Variants in SPRED1 observed in about 807,000 individuals in gnomAD.
SPRED1 encodes sprouty-related, EVH1 domain-containing protein 1.
In SPRED1, 18 loss-of-function variants were observed where a neutral mutation model predicts 52.3. The ratio of observed to expected loss-of-function variants is 0.34; its 90% CI spans 0.24 to 0.51. The LOEUF is 0.51. Among genes scored for constraint, SPRED1 ranks in the 20% least tolerant of loss-of-function variants. The pLI is 0.97. For synonymous variants in SPRED1, 155 were observed against 179.7 expected (o/e 0.86, Z 1.10); for missense variants, 485 against 551.0 (o/e 0.88, Z 1.20).
chr15:38,330,326 A>G (rs1483510512), intron 4 of SPRED1, among the ~76,000 whole-genome samples: 1 of 152,162 alleles, frequency 6.6e-6, no homozygotes, highest in Non-Finnish European at 1.5e-5. Context: ...TGCTTAAAGA[A>G]AATGCTATAT....
At chr15:38,254,389 TGAGCGGGTGTAGAAGGAGG>T (rs1357539364) in intron 1 of SPRED1, among the ~76,000 whole-genome samples, 1 of 152,188 alleles carries the variant, frequency 6.6e-6, no homozygotes, top group African/African-American at 2.4e-5. Flanking sequence ...ACGCTTCTGC[TGAGCGGGTGTAGAAGGAGG>T]TACATTGCTG....
chr15:38,295,021 AT>A (rs1895004388), intron 1 of SPRED1, among the ~76,000 whole-genome samples: 1 of 152,184 alleles, frequency 6.6e-6, no homozygotes, highest in Non-Finnish European at 1.5e-5. Flanking sequence ...TCGAGGTAAC[AT>A]TTCCTTGCAC....
At chr15:38,299,789 A>T (rs1895117261) in intron 2 of SPRED1, among the ~76,000 whole-genome samples, 2 of 152,062 alleles carry the variant, frequency 1.3e-5, no homozygotes, top group African/African-American at 4.8e-5. Flanking sequence ...AGGAGTTAAT[A>T]AATAGTCCCC....
intron 1 of SPRED1, among the ~76,000 whole-genome samples, chr15:38,288,566 G>A (rs946480260): frequency 6.6e-6 from 1 of 152,172 alleles, no homozygotes; most frequent in Non-Finnish European, 1.5e-5. Context: ...GCAACCGATA[G>A]AATATCTCAG....
At chr15:38,259,223 AT>A (rs1894159083) in intron 1 of SPRED1, among the ~76,000 whole-genome samples, 2 of 152,168 alleles carry the variant, frequency 1.3e-5, no homozygotes, top group Non-Finnish European at 2.9e-5. Flanking sequence ...ATGACACAAA[AT>A]TTTGTACTAC....
chr15:38,253,038 C>T lies in SPRED1; in HGVS notation c.-148C>T. 1.4e-6 allele frequency: 1 copy of T among 722,086 alleles called. No homozygotes were observed. The allele number at this position is 722,086 out of a possible 1,614,324, so 44.7% of individuals were successfully genotyped here. A position where few individuals can be genotyped will look rare whatever the true frequency, so the allele number is the denominator to read the frequency against. ...GGTTCCCGGCTGGGGGGGTACCGTT[C>T]TGGGTGAGGCATCCACCATGGTGAG... On this transcript the variant is annotated 5_prime_UTR_variant, in exon 1 of 7. Transcript: ENST00000299084.
At chr15:38,293,099 C>CTTTTTTTTTTTTTTTTTTTTTTTTTTT (rs66511254) in intron 1 of SPRED1, among the ~76,000 whole-genome samples, 1 of 90,724 alleles carries the variant, frequency 1.1e-5, no homozygotes, top group Admixed American at 1.7e-4. Context: ...AAGATTACAA[C>CTTTTTTTTTTTTTTTTTTTTTTTTTTT]TTTTTTTTTT....
At chr15:38,304,795 T>G (rs1895216971) in intron 2 of SPRED1, among the ~76,000 whole-genome samples, 1 of 152,222 alleles carries the variant, frequency 6.6e-6, no homozygotes, top group East Asian at 1.9e-4. Flanking sequence ...CCCCTCCTAC[T>G]GCTCTTCAAT....
chr15:38,311,957 A>AG (rs1438184712), intron 2 of SPRED1, among the ~76,000 whole-genome samples: 1 of 151,874 alleles, frequency 6.6e-6, no homozygotes, highest in East Asian at 1.9e-4. Flanking sequence ...TAGTCTCTGG[A>AG]GGTAGGAACT....
intron 4 of SPRED1, among the ~76,000 whole-genome samples, chr15:38,332,092 A>G (rs1414763130): frequency 6.6e-6 from 1 of 151,998 alleles, no homozygotes; most frequent in African/African-American, 2.4e-5. Flanking sequence ...GTGAAGAAAA[A>G]GAGCACTGTG....
chr15:38,256,326 A>G (rs1894096045), intron 1 of SPRED1, among the ~76,000 whole-genome samples: 1 of 152,138 alleles, frequency 6.6e-6, no homozygotes. Context: ...AATGTTTCCG[A>G]TAGATATAAC....
At chr15:38,301,276 C>T (rs917115171) in intron 2 of SPRED1, among the ~76,000 whole-genome samples, 1 of 152,076 alleles carries the variant, frequency 6.6e-6, no homozygotes, top group African/African-American at 2.4e-5. Context: ...TCAGAAAGAA[C>T]AGAAACTTTT....
chr15:38,350,673 G>C (rs188332756), intron 6 of SPRED1, among the ~76,000 whole-genome samples: 106 of 152,240 alleles, frequency 7.0e-4, no homozygotes, highest in Middle Eastern at 3.4e-3. Context: ...CAATAGTAGA[G>C]GTACAGATCC....
rs1888547843 is a variant in SPRED1, at chr15:38,353,815, A to G, written c.*2151A>G. The G allele has an allele frequency of 6.6e-6, 1 of 152,608 alleles. No homozygotes were observed. The allele number at this position is 152,608 out of a possible 1,614,324, so 9.5% of individuals were successfully genotyped here. A position where few individuals can be genotyped will look rare whatever the true frequency, so the allele number is the denominator to read the frequency against. On this transcript the variant is annotated 3_prime_UTR_variant, in exon 7 of 7. Coordinates refer to ENST00000299084, the MANE Select transcript of SPRED1 (RefSeq NM_152594.3). The stretch of plus-strand genomic sequence containing the variant: ...AATGCTGTGGAAATGAACTGTGTAT[A>G]TACTTCTGGGAGGAACAAATTTAAT...
chr15:38,253,135 C>T lies in SPRED1; in HGVS notation c.-51C>T, dbSNP rs369369431. The T allele has an allele frequency of 6.4e-7, 1 of 1,550,490 alleles. No individual in the cohort carries two copies. The highest frequency in any genetic ancestry group is 1.4e-5 in the African/African-American group (1 of 73,376). ...TGCCCCTCGGTGCTGCTGTTGCTCCCCCGCCTGCTGTTGCTCCTCCATCTC... is the reference window on the plus strand; with the variant it reads ...TGCCCCTCGGTGCTGCTGTTGCTCCTCCGCCTGCTGTTGCTCCTCCATCTC... On this transcript the variant is annotated 5_prime_UTR_variant, in exon 1 of 7. Coordinates refer to ENST00000299084, the MANE Select transcript of SPRED1 (RefSeq NM_152594.3).
chr15:38,280,528 G>GTT (rs11402678), intron 1 of SPRED1, among the ~76,000 whole-genome samples: 7 of 151,942 alleles, frequency 4.6e-5, no homozygotes, highest in African/African-American at 1.2e-4. Context: ...AAAATCCATT[G>GTT]TTTTTTGTGG....
chr15:38,306,960 A>G (rs1444318992), intron 2 of SPRED1, among the ~76,000 whole-genome samples: 1 of 152,086 alleles, frequency 6.6e-6, no homozygotes, highest in Non-Finnish European at 1.5e-5. Flanking sequence ...AGCCTCATCA[A>G]TATTGTCTTG....
At chr15:38,268,582 G>A (rs1303297390) in intron 1 of SPRED1, among the ~76,000 whole-genome samples, 1 of 152,080 alleles carries the variant, frequency 6.6e-6, no homozygotes, top group Non-Finnish European at 1.5e-5. Context: ...TAGGGGGTGG[G>A]GGAATAGCCT....
At chr15:38,331,616 A>G (rs1895808858) in intron 4 of SPRED1, among the ~76,000 whole-genome samples, 1 of 151,582 alleles carries the variant, frequency 6.6e-6, no homozygotes, top group South Asian at 2.1e-4. Flanking sequence ...GAATGCTCAG[A>G]TTTTGAATTT....
Sources: gnomAD v4.1 joint callset for allele counts (sites outside exome capture counted in the v4.1 genomes callset) on GRCh38, gnomAD v4.1.1 for gene constraint, MANE v1.5 for transcripts, NCBI Gene and HGNC (gene_info 2026-07-23, HGNC 2026-07-21) for gene names.